The following ECI2 variants were observed in gnomAD, a reference collection of about 807,000 sequenced individuals.
ECI2 encodes the protein enoyl-CoA delta isomerase 2.
Under a neutral mutation model 38.4 loss-of-function variants are expected in ECI2, and 27 were observed. The observed-to-expected ratio is 0.70, with a 90% CI of 0.52 to 0.97. ECI2 has a LOEUF of 0.97. Among genes scored for constraint, ECI2 ranks in the 50% least tolerant of loss-of-function variants. ECI2 has a pLI of 0.00. For missense variants in ECI2, 470 were observed against 474.4 expected (o/e 0.99, Z 0.09); for synonymous variants, 168 against 172.0 (o/e 0.98, Z 0.18).
At chr6:4,127,328 G>T (rs1773227813) in intron 5 of ECI2, among the ~76,000 whole-genome samples, 1 of 151,318 alleles carries the variant, frequency 6.6e-6, no homozygotes, top group Non-Finnish European at 1.5e-5. Flanking sequence ...CGAAGGAGTG[G>T]GTATCTGTGT....
At position 4,115,808 on chromosome 6, in the gene ECI2, A is replaced by T; in HGVS notation, c.*66T>A. ...GGCACAATGAAGCTTATTTAGTTCC[A>T]GTACTGGAAATCAGAGGTAACAGCA... On this transcript the variant is annotated 3_prime_UTR_variant, in exon 10 of 10. Transcript: ENST00000380118. 2 of 1,551,348 alleles carry T rather than the reference A, an allele frequency of 1.3e-6. No homozygotes were observed. Among genetic ancestry groups the T allele is most frequent in the Non-Finnish European group, 1.7e-6 (2 of 1,148,352 alleles).
rs762778150 is a variant in ECI2, at chr6:4,115,960, C to A, written c.1099G>T (p.Glu367Ter). Residue 367 changes from glutamate (E) to a stop codon, truncating the protein, a stop_gained, in exon 10 of 10, where the codon GAA becomes TAA. Transcript: ENST00000380118. LOFTEE classifies it low-confidence loss of function (END_TRUNC). Reference protein sequence around the residue: ...REKLHAVNAEECNVLQGRWLS... With the variant: ...REKLHAVNAE ...CATCTTCCCTGAAGGACATTGCATT[C>A]TTCAGCATTAACAGCGTGTAGTTTT... The A allele has an allele frequency of 6.2e-7, 1 of 1,614,218 alleles. No homozygotes were observed. Among genetic ancestry groups the A allele is most frequent in the Non-Finnish European group, 8.5e-7 (1 of 1,180,046 alleles).
chr6:4,120,652 G>T lies in ECI2; in HGVS notation c.796-1377C>A, dbSNP rs950597662. On this transcript the variant is annotated intron_variant, in intron 7 of 9. Transcript: ENST00000380118. ...TGAGGCACAAGAATTGCTTGAACCC[G>T]GGAGGAGGAGGCTGCAGTGAGCCGA... Among the ~76,000 whole-genome samples the T allele has an allele frequency of 3.3e-5, 5 of 151,888 alleles. 1 individual carries two copies. In the South Asian group the frequency reaches 1.0e-3, roughly 32 times the overall value.
intron 2 of ECI2, among the ~76,000 whole-genome samples, chr6:4,133,150 AT>A (rs1773571496): frequency 6.6e-6 from 1 of 152,190 alleles, no homozygotes; most frequent in Non-Finnish European, 1.5e-5. Flanking sequence ...TTTCTTAAAA[AT>A]ATCAACATTT....
At chr6:4,119,623 A>G (rs1474935137) in intron 7 of ECI2, among the ~76,000 whole-genome samples, 1 of 152,154 alleles carries the variant, frequency 6.6e-6, no homozygotes, top group African/African-American at 2.4e-5. Flanking sequence ...GCCTGGCTTC[A>G]TGTGTTATTT....
chr6:4,125,090 T>C lies in ECI2; in HGVS notation c.795+160A>G. ...AGTTAATAATGAAGGAAAAATAAAA[T>C]CAGTCAAATCAGCCTAATGCTTTGG... On this transcript the variant is annotated intron_variant, in intron 7 of 9. Transcript: ENST00000380118. 2.5e-6 allele frequency: 3 copies of C among 1,196,822 alleles called. No individual in the cohort carries two copies. In the South Asian group the frequency reaches 4.1e-5, roughly 16 times the overall value. 74.1% of individuals were successfully genotyped at this position (1,196,822 alleles called of 1,614,324 possible).
At chr6:4,121,718 CAT>C (rs1772781253) in intron 7 of ECI2, among the ~76,000 whole-genome samples, 2 of 147,880 alleles carry the variant, frequency 1.4e-5, no homozygotes, top group African/African-American at 5.0e-5. Flanking sequence ...ACATTTAAGA[CAT>C]ATTTTTGTGT....
chr6:4,115,766 ATTC>A lies in ECI2; in HGVS notation c.*105_*107del, dbSNP rs1772216444. On this transcript the variant is annotated 3_prime_UTR_variant, in exon 10 of 10. Transcript: ENST00000380118. The stretch of plus-strand genomic sequence containing the variant: ...GTGAAATATCATCATTGTAATTGAT[ATTC>A]TAGCACTACAAAAGGCACAATGAAG... 1.1e-5 allele frequency: 15 copies of A among 1,425,262 alleles called. No homozygotes were observed. The highest frequency in any genetic ancestry group is 1.3e-5 in the Non-Finnish European group (14 of 1,043,046). 88.3% of individuals were successfully genotyped at this position (1,425,262 alleles called of 1,614,324 possible). A position where few individuals can be genotyped will look rare whatever the true frequency, so the allele number is the denominator to read the frequency against.
intron 2 of ECI2, among the ~76,000 whole-genome samples, chr6:4,131,986 G>A: frequency 6.6e-6 from 1 of 152,178 alleles, no homozygotes; most frequent in East Asian, 1.9e-4. Flanking sequence ...AGGGAACACA[G>A]TCCACAGGAT....
chr6:4,127,906 T>C, intron 4 of ECI2, 75 bp from the exon 5 acceptor site: 1 of 1,431,804 alleles, frequency 7.0e-7, no homozygotes, highest in Non-Finnish European at 9.6e-7. Context: ...TCAACAAATG[T>C]CAGGCTGCAA....
Position 4,117,238 on chromosome 6 carries a change from T to C in ECI2, c.1029+70A>G, listed in dbSNP as rs768683178. On this transcript the variant is annotated intron_variant, in intron 9 of 9. Transcript: ENST00000380118. ...CTTGTGCTTTTTATGACTTATTCTC[T>C]GAAGGCAAATAAATTTTTCCCTTAG... The C allele has an allele frequency of 2.0e-5, 31 of 1,522,294 alleles. 1 individual carries two copies. In the East Asian group the frequency reaches 2.3e-4, roughly 11 times the overall value. 94.3% of individuals were successfully genotyped at this position (1,522,294 alleles called of 1,614,324 possible). A position where few individuals can be genotyped will look rare whatever the true frequency, so the allele number is the denominator to read the frequency against.
intron 7 of ECI2, among the ~76,000 whole-genome samples, chr6:4,122,684 A>C (rs1357458679): frequency 1.1e-4 from 16 of 146,730 alleles, no homozygotes; most frequent in East Asian, 8.2e-4. Flanking sequence ...TTAGTAGAGA[A>C]GGGGTTTCAC....
chr6:4,125,136 A>T, intron 7 of ECI2, 114 bp downstream of exon 7: 1 of 1,503,038 alleles, frequency 6.7e-7, no homozygotes. Flanking sequence ...AATTCAGTTA[A>T]TTCTACCACA....
Position 4,130,756 on chromosome 6 carries a change from A to G in ECI2, c.312+11T>C. The G allele has an allele frequency of 6.2e-7, 1 of 1,613,948 alleles. No homozygotes were observed. The highest frequency in any genetic ancestry group is 8.5e-7 in the Non-Finnish European group (1 of 1,179,968). On this transcript the variant is annotated intron_variant, in intron 3 of 9. Coordinates refer to ENST00000380118, the MANE Select transcript of ECI2 (RefSeq NM_206836.3). ...TACAGCAAATAAAAGCACAGTAACT[A>G]GTAAACTCACCTTGGGCAGGCTGCC...
intron 1 of ECI2, chr6:4,135,195 C>T: frequency 1.4e-6 from 1 of 715,852 alleles, no homozygotes; most frequent in Non-Finnish European, 2.4e-6. Flanking sequence ...GCTGGGGCGG[C>T]TCACCCGCCC....
intron 7 of ECI2, among the ~76,000 whole-genome samples, chr6:4,124,446 C>T (rs1232161518): frequency 1.3e-5 from 2 of 152,182 alleles, no homozygotes; most frequent in African/African-American, 4.8e-5. Flanking sequence ...CAATCATCAG[C>T]ACAGTTTACC....
intron 4 of ECI2, among the ~76,000 whole-genome samples, chr6:4,128,503 T>C (rs1453885646): frequency 6.6e-6 from 1 of 152,098 alleles, no homozygotes; most frequent in African/African-American, 2.4e-5. Context: ...GGGAAAGAAA[T>C]GAGGAAGAGG....
chr6:4,126,062 T>C, intron 6 of ECI2, 73 bp downstream of exon 6: 4 of 1,232,630 alleles, frequency 3.2e-6, no homozygotes, highest in Non-Finnish European at 4.7e-6. Context: ...TATTGCACTT[T>C]TGCTCAACTA....
chr6:4,130,751 T>TA lies in ECI2; in HGVS notation c.312+15dup. Reference sequence around the variant, plus strand: ...AGAAGTACAGCAAATAAAAGCACAGTAACTAGTAAACTCACCTTGGGCAGG... The same window carrying TA: ...AGAAGTACAGCAAATAAAAGCACAGTAAACTAGTAAACTCACCTTGGGCAGG... On this transcript the variant is annotated intron_variant, in intron 3 of 9. Transcript: ENST00000380118. The TA allele has an allele frequency of 6.2e-7, 1 of 1,613,246 alleles. No individual in the cohort carries two copies.
Sources: gnomAD v4.1 joint callset for allele counts (sites outside exome capture counted in the v4.1 genomes callset) on GRCh38, gnomAD v4.1.1 for gene constraint, MANE v1.5 for transcripts, NCBI Gene and HGNC (gene_info 2026-07-23, HGNC 2026-07-21) for gene names.